PPP3CB: variants seen among roughly 807,000 people sequenced by gnomAD.
PPP3CB encodes protein phosphatase 3 catalytic subunit beta, also known as serine/threonine-protein phosphatase 2B catalytic subunit beta isoform.
In PPP3CB, 8 loss-of-function variants were observed where a neutral mutation model predicts 66.4. The observed-to-expected ratio is 0.12, with a 90% CI of 0.07 to 0.22. PPP3CB has a LOEUF of 0.22. Among genes scored for constraint, PPP3CB ranks in the 10% least tolerant of loss-of-function variants. The pLI, the probability that PPP3CB is intolerant of heterozygous loss-of-function variation, is 1.00. For synonymous variants in PPP3CB, 208 were observed against 221.2 expected (o/e 0.94, Z 0.53); for missense variants, 319 against 642.5 (o/e 0.50, Z 5.44).
chr10:73,466,894 A>G (rs1313606147), intron 9 of PPP3CB: 1 of 152,192 alleles, frequency 6.6e-6, no homozygotes, highest in Non-Finnish European at 1.5e-5. Context: ...TTAAAATGGA[A>G]AAGAACATGA....
intron 9 of PPP3CB, among the ~76,000 whole-genome samples, chr10:73,466,707 A>C (rs1438872783): frequency 6.6e-6 from 1 of 152,200 alleles, no homozygotes. Context: ...TCAGAACTAC[A>C]AATTGCCTTG....
At chr10:73,462,866 C>G (rs2056546676) in intron 9 of PPP3CB, among the ~76,000 whole-genome samples, 1 of 134,816 alleles carries the variant, frequency 7.4e-6, no homozygotes, top group Non-Finnish European at 1.5e-5. Flanking sequence ...ATGAGAACTG[C>G]TTGAACCTGG....
intron 1 of PPP3CB, among the ~76,000 whole-genome samples, chr10:73,483,275 G>A (rs531641990): frequency 5.9e-5 from 9 of 152,272 alleles, no homozygotes; most frequent in Non-Finnish European, 7.3e-5. Flanking sequence ...GTAGAAAAAC[G>A]TCACCTACTC....
At chr10:73,459,800 G>C (rs190842004) in intron 9 of PPP3CB, among the ~76,000 whole-genome samples, 21 of 152,260 alleles carry the variant, frequency 1.4e-4, no homozygotes, top group Non-Finnish European at 2.9e-4. Context: ...GGTTAGCAAG[G>C]GGGGTTAGGG....
chr10:73,439,636 C>T (rs567212555), intron 13 of PPP3CB, among the ~76,000 whole-genome samples: 9 of 152,194 alleles, frequency 5.9e-5, no homozygotes, highest in African/African-American at 1.9e-4. Flanking sequence ...ACATTACTTT[C>T]TGATTGCATA....
intron 12 of PPP3CB, 140 bp from the exon 13 acceptor site, chr10:73,440,041 T>C (rs180689956): frequency 2.3e-6 from 2 of 873,530 alleles, no homozygotes; most frequent in East Asian, 2.7e-5. Flanking sequence ...ACATAAATAG[T>C]ACCCAAATTA....
intron 7 of PPP3CB, 35 bp downstream of exon 7, chr10:73,470,852 G>A: frequency 6.3e-7 from 1 of 1,591,240 alleles, no homozygotes; most frequent in Non-Finnish European, 8.6e-7. Flanking sequence ...TTATATTTTA[G>A]GTGTTAATTT....
chr10:73,487,698 T>C (rs566829951), intron 1 of PPP3CB, among the ~76,000 whole-genome samples: 50 of 152,150 alleles, frequency 3.3e-4, no homozygotes, highest in African/African-American at 1.2e-3. Context: ...ATTTATAGTG[T>C]TTTATTCATA....
intron 13 of PPP3CB, among the ~76,000 whole-genome samples, chr10:73,439,081 A>G (rs2056108336): frequency 6.6e-6 from 1 of 152,232 alleles, no homozygotes; most frequent in Admixed American, 6.5e-5. Context: ...CATACTGCAC[A>G]GTCTTTGGAA....
At chr10:73,475,532 A>G (rs1378689213) in intron 3 of PPP3CB, among the ~76,000 whole-genome samples, 1 of 152,172 alleles carries the variant, frequency 6.6e-6, no homozygotes, top group Admixed American at 6.5e-5. Flanking sequence ...CAAAACCACA[A>G]AACTTCTAAG....
intron 10 of PPP3CB, among the ~76,000 whole-genome samples, chr10:73,447,533 GAGA>G (rs1170232214): frequency 1.3e-5 from 2 of 152,172 alleles, no homozygotes; most frequent in Non-Finnish European, 2.9e-5. Context: ...CATGGTTGAG[GAGA>G]AGGTTAAGGA....
intron 1 of PPP3CB, among the ~76,000 whole-genome samples, chr10:73,488,944 A>C (rs1401309886): frequency 1.3e-5 from 2 of 152,206 alleles, no homozygotes; most frequent in Non-Finnish European, 2.9e-5. Context: ...TGACTGAACA[A>C]AGTAGTAAAT....
chr10:73,458,019 C>T (rs2056458538), intron 9 of PPP3CB, among the ~76,000 whole-genome samples: 1 of 152,160 alleles, frequency 6.6e-6, no homozygotes, highest in Non-Finnish European at 1.5e-5. Flanking sequence ...TTAATAAGTA[C>T]AATGTATGCT....
At chr10:73,469,903 A>G (rs1241146192) in intron 8 of PPP3CB, among the ~76,000 whole-genome samples, 1 of 152,238 alleles carries the variant, frequency 6.6e-6, no homozygotes, top group Non-Finnish European at 1.5e-5. Context: ...ATGTCAAGAC[A>G]GAAGAGAAGC....
At chr10:73,487,345 T>C (rs1304020252) in intron 1 of PPP3CB, among the ~76,000 whole-genome samples, 1 of 151,928 alleles carries the variant, frequency 6.6e-6, no homozygotes, top group Non-Finnish European at 1.5e-5. Context: ...GTCAGGAGTT[T>C]GAGAACAGCC....
intron 3 of PPP3CB, among the ~76,000 whole-genome samples, chr10:73,477,571 T>C (rs1228281917): frequency 6.6e-6 from 1 of 152,132 alleles, no homozygotes; most frequent in African/African-American, 2.4e-5. Context: ...AGAAAAAATG[T>C]ATATATTGGA....
At chr10:73,472,803 A>G (rs982055374) in intron 4 of PPP3CB, among the ~76,000 whole-genome samples, 7 of 152,216 alleles carry the variant, frequency 4.6e-5, no homozygotes, top group Admixed American at 2.6e-4. Flanking sequence ...GCAGGAAGCC[A>G]ATATAGAAAC....
intron 10 of PPP3CB, among the ~76,000 whole-genome samples, chr10:73,450,274 C>T (rs891284743): frequency 6.6e-6 from 1 of 152,008 alleles, no homozygotes; most frequent in Non-Finnish European, 1.5e-5. Flanking sequence ...AATGGTTCAC[C>T]GTTGTGTAGG....
Position 73,470,826 on chromosome 10 carries a change from G to A in PPP3CB, c.888-45C>T, listed in dbSNP as rs775005371. 20 of 1,583,544 alleles carry A rather than the reference G, an allele frequency of 1.3e-5. No homozygotes were observed. The South Asian group carries it at 2.0e-4, about 16-fold the overall frequency. On this transcript the variant is annotated intron_variant, in intron 7 of 13. Coordinates refer to ENST00000360663, the MANE Select transcript of PPP3CB (RefSeq NM_021132.4). ...ATATGCATCGTAAAGCATCAATCATGGTTACTAAGTTTGATTTATATTTTA... is the reference window on the plus strand; with the variant it reads ...ATATGCATCGTAAAGCATCAATCATAGTTACTAAGTTTGATTTATATTTTA...
Sources: gnomAD v4.1 joint callset for allele counts (sites outside exome capture counted in the v4.1 genomes callset) on GRCh38, gnomAD v4.1.1 for gene constraint, MANE v1.5 for transcripts, NCBI Gene and HGNC (gene_info 2026-07-23, HGNC 2026-07-21) for gene names.